Variants in TBC1D28 observed in about 807,000 individuals in gnomAD.
The protein encoded by TBC1D28 is TBC1 domain family member 28.
A neutral mutation model predicts 29.2 loss-of-function variants in TBC1D28; 20 were observed. The ratio of observed to expected loss-of-function variants is 0.68; its 90% CI spans 0.48 to 0.99. The LOEUF is 0.99. Among genes scored for constraint, TBC1D28 ranks in the 50% least tolerant of loss-of-function variants. The probability of loss-of-function intolerance (pLI) is 0.00; values close to 1 mark genes in which losing one functional copy is unlikely to be tolerated. For missense variants in TBC1D28, 205 were observed against 243.7 expected (o/e 0.84, Z 1.06); for synonymous variants, 65 against 90.9 (o/e 0.71, Z 1.62).
At chr17:18,636,491 C>G in exon 9 of TBC1D28, 2 of 1,614,118 alleles carry the variant, frequency 1.2e-6, no homozygotes, top group Non-Finnish European at 1.7e-6. Flanking sequence ...CCGAGAGACA[C>G]CCATGCCTGT....
Position 18,638,743 on chromosome 17 carries a change from G to A in TBC1D28, c.199-42C>T, listed in dbSNP as rs373416836. ...GATGGAGTTAGCGGAGCTGTCAGTC[G>A]TCTGACAGTGGCCCGTGGATGCTGG... On this transcript the variant is annotated intron_variant, in intron 5 of 8. Coordinates refer to ENST00000345096, the Ensembl canonical transcript of TBC1D28. 2,440 of 1,613,576 alleles carry A rather than the reference G, an allele frequency of 1.5e-3. 7 individuals are homozygous for A. The highest frequency in any genetic ancestry group is 2.0e-3 in the Non-Finnish European group (2,351 of 1,179,482).
At chr17:18,638,441 C>G (rs752064636) in intron 6 of TBC1D28, 21 bp from the exon 8 acceptor site, 1 of 1,613,788 alleles carries the variant, frequency 6.2e-7, no homozygotes. Flanking sequence ...AAGAACACTC[C>G]AGTGAGAAAG....
chr17:18,644,321 T>G (rs2031903934), upstream of TBC1D28: 1 of 152,038 alleles, frequency 6.6e-6, no homozygotes, highest in African/African-American at 2.4e-5. Context: ...TGTCTCTCAC[T>G]TAGCAAAACT....
At chr17:18,638,947 G>A (rs2031640687) in intron 5 of TBC1D28, 7 of 811,814 alleles carry the variant, frequency 8.6e-6, no homozygotes, top group Non-Finnish European at 1.3e-5. Flanking sequence ...TTCAGCTGGG[G>A]TCTTGGTTCA....
exon 9 of TBC1D28, chr17:18,636,073 A>G: frequency 9.7e-7 from 1 of 1,026,996 alleles, no homozygotes; most frequent in Admixed American, 5.2e-5. Context: ...TGGTCTGGAA[A>G]GTGGGGGCCA....
chr17:18,637,891 A>T, exon 8 of TBC1D28: 3 of 1,613,658 alleles, frequency 1.9e-6, no homozygotes, highest in South Asian at 1.1e-5. Context: ...TATGAACATC[A>T]TGTGTTTCTG....
chr17:18,641,535 C>G, intron 2 of TBC1D28, 97 bp downstream of exon 3: 1 of 675,236 alleles, frequency 1.5e-6, no homozygotes, highest in Non-Finnish European at 2.5e-6. Flanking sequence ...AAGTCCTGAC[C>G]TCCAACCAGT....
At chr17:18,636,548 C>G (rs1398371488) in exon 9 of TBC1D28, 3 of 1,613,774 alleles carry the variant, frequency 1.9e-6, no homozygotes, top group Non-Finnish European at 2.5e-6. Flanking sequence ...GGAATACTCA[C>G]AGGGTTATAT....
chr17:18,642,518 A>G (rs1280164003), upstream of TBC1D28: 4 of 152,194 alleles, frequency 2.6e-5, no homozygotes, highest in African/African-American at 9.6e-5. Flanking sequence ...GGTAGGGCTG[A>G]GTGCACGGCC....
chr17:18,637,703 G>C (rs2031565033), intron 8 of TBC1D28, among the ~76,000 whole-genome samples, 161 bp downstream of exon 9: 1 of 152,172 alleles, frequency 6.6e-6, no homozygotes, highest in South Asian at 2.1e-4. Flanking sequence ...TTAGAGCCGG[G>C]AGGTGCTCAG....
At chr17:18,638,286 C>T (rs759109679) in intron 7 of TBC1D28, 27 bp downstream of exon 8, 10 of 1,611,210 alleles carry the variant, frequency 6.2e-6, no homozygotes, top group Admixed American at 5.0e-5. Context: ...GTTTGTACTG[C>T]CCTAGCTGAG....
chr17:18,643,827 G>A (rs1293856339), upstream of TBC1D28, among the ~76,000 whole-genome samples: 4 of 152,244 alleles, frequency 2.6e-5, no homozygotes, highest in Non-Finnish European at 5.9e-5. Flanking sequence ...GTGACCGCAC[G>A]TGAAGTCTGA....
At chr17:18,643,874 G>A (rs2031879262), upstream of TBC1D28, among the ~76,000 whole-genome samples, 1 of 152,180 alleles carries the variant, frequency 6.6e-6, no homozygotes, top group Admixed American at 6.5e-5. Flanking sequence ...CCCAGCTTAG[G>A]GCACAGACTT....
Position 18,636,481 on chromosome 17 carries a change from C to G in TBC1D28, c.614G>C (p.Gly205Ala), listed in dbSNP as rs371584400. 1.5e-4 allele frequency: 236 copies of G among 1,613,602 alleles called. No individual in the cohort carries two copies. The highest frequency in any genetic ancestry group is 1.9e-4 in the Non-Finnish European group (226 of 1,179,966). ...GAATTTTCAAGAAGTTGCAACACCC[C>G]CGAGAGACACCCATGCCTGTGAATA... Residue 205 changes from glycine (G) to alanine (A), a missense_variant, in exon 9 of 9, where the codon GGG becomes GCG. By Grantham distance (60) the Gly-to-Ala change is moderately conservative. Transcript: ENST00000345096.
At chr17:18,640,384 A>C (rs2031708575) in intron 4 of TBC1D28, among the ~76,000 whole-genome samples, 2 of 140,518 alleles carry the variant, frequency 1.4e-5, no homozygotes, top group Non-Finnish European at 3.1e-5. Context: ...CCCTCTCTCC[A>C]TCCTGTGAGT....
exon 9 of TBC1D28, chr17:18,636,403 T>C: frequency 6.3e-7 from 1 of 1,594,466 alleles, no homozygotes; most frequent in East Asian, 2.2e-5. Flanking sequence ...TCAACCCTTT[T>C]CTGCCAGCAG....
upstream of TBC1D28, chr17:18,644,390 A>G (rs2031908126): frequency 6.6e-6 from 1 of 152,360 alleles, no homozygotes; most frequent in Non-Finnish European, 1.5e-5. Flanking sequence ...AGACATAGAG[A>G]CGGCAAGCGG....
chr17:18,640,285 T>G (rs2031702478), intron 4 of TBC1D28, among the ~76,000 whole-genome samples: 1 of 146,932 alleles, frequency 6.8e-6, no homozygotes, highest in East Asian at 2.2e-4. Context: ...CCCCAGGCTG[T>G]CAGCTCCACC....
upstream of TBC1D28, chr17:18,642,579 A>T (rs1407919127): frequency 1.3e-5 from 2 of 152,048 alleles, no homozygotes; most frequent in Non-Finnish European, 2.9e-5. Flanking sequence ...GACTCTACAC[A>T]TCTCACCTGT....
Sources: gnomAD v4.1 joint callset for allele counts (sites outside exome capture counted in the v4.1 genomes callset) on GRCh38, gnomAD v4.1.1 for gene constraint, MANE v1.5 for transcripts, NCBI Gene and HGNC (gene_info 2026-07-23, HGNC 2026-07-21) for gene names.